The following RGSL1 variants were observed in gnomAD, a reference collection of about 807,000 sequenced individuals.
RGSL1 encodes the protein regulator of G protein signaling like 1.
RGSL1 carries 97 observed loss-of-function variants against 124.7 expected under a neutral mutation model. That is an observed-to-expected ratio of 0.78 (90% CI 0.66 to 0.92). RGSL1 has a LOEUF of 0.92. Ranked by LOEUF, RGSL1 falls within the 40% of genes least tolerant of loss-of-function variation. RGSL1 has a pLI of 0.00. For missense variants in RGSL1, 1,233 were observed against 1,288.4 expected, an observed-to-expected ratio of 0.96 and a Z score of 0.66; for synonymous variants, 424 against 438.1, an observed-to-expected ratio of 0.97 and a Z score of 0.40.
At chr1:182,455,734 A>G (rs1337458124) in intron 2 of RGSL1, among the ~76,000 whole-genome samples, 1 of 152,262 alleles carries the variant, frequency 6.6e-6, no homozygotes, top group Non-Finnish European at 1.5e-5. Context: ...TAAGTAACTC[A>G]GGAAGGCTGA....
rs1362935580 is a variant in RGSL1 at position 182,474,278 on chromosome 1, G to T, written c.1167G>T (p.Lys389Asn). 1 of 1,551,804 alleles carries T rather than the reference G, an allele frequency of 6.4e-7. No homozygotes were observed. The highest frequency in any genetic ancestry group is 2.0e-5 in the Admixed American group (1 of 51,008). The change falls in exon 6 of 22, where the codon AAG (lysine) becomes AAT (asparagine). Residue 389 changes from lysine (K) to asparagine (N), a missense_variant. Lys to Asn is a moderately conservative substitution (Grantham distance 94). Transcript: ENST00000294854. ...CAGNPFRDHL[K>N]KLNLKVEIQL... ...GGAACCCTTTCCGGGACCACCTGAAGAAGCTGAATTTGAAAGTGGAGATCC... is the reference window on the plus strand; with the variant it reads ...GGAACCCTTTCCGGGACCACCTGAATAAGCTGAATTTGAAAGTGGAGATCC...
chr1:182,530,160 T>TAAA, intron 11 of RGSL1, 84 bp from the exon 12 acceptor site: 32 of 778,640 alleles, frequency 4.1e-5, no homozygotes, highest in Non-Finnish European at 5.1e-5. Context: ...GACTCTAAGA[T>TAAA]AAAAAAAAAA....
chr1:182,546,407 T>C (rs1660213383), intron 15 of RGSL1, among the ~76,000 whole-genome samples: 1 of 152,308 alleles, frequency 6.6e-6, no homozygotes, highest in Middle Eastern at 3.4e-3. Flanking sequence ...ATTTTGTTTT[T>C]GTTTTCATGA....
intron 17 of RGSL1, chr1:182,549,676 G>C (rs200650312): frequency 6.6e-6 from 1 of 151,926 alleles, no homozygotes; most frequent in Non-Finnish European, 1.5e-5. Flanking sequence ...ACTCTTAGAA[G>C]TTCCCATCTT....
intron 4 of RGSL1, among the ~76,000 whole-genome samples, chr1:182,462,168 T>C (rs2102002248): frequency 6.6e-6 from 1 of 152,302 alleles, no homozygotes; most frequent in East Asian, 1.9e-4. Context: ...ATAAGCAGAT[T>C]TCTCATCAGA....
At position 182,483,152 on chromosome 1, in the gene RGSL1, G is replaced by A. The variant is rs539624493; in HGVS notation, c.1432-5133G>A. Among the ~76,000 whole-genome samples the A allele has an allele frequency of 4.6e-5, 7 of 152,192 alleles. No individual in the cohort carries two copies. In the East Asian group the frequency reaches 1.4e-3, roughly 29 times the overall value. On this transcript the variant is annotated intron_variant, in intron 6 of 21. Coordinates refer to ENST00000294854, the MANE Select transcript of RGSL1 (RefSeq NM_001137669.2). ...TCAAAGTGTACCATGTTTCAGTCAC[G>A]AGAGATAAATTTACTGTACAACATA...
At chr1:182,536,885 A>G (rs1205109926) in intron 14 of RGSL1, among the ~76,000 whole-genome samples, 1 of 152,208 alleles carries the variant, frequency 6.6e-6, no homozygotes, top group Non-Finnish European at 1.5e-5. Flanking sequence ...AACACATGGG[A>G]ATTCAAGATG....
At chr1:182,543,401 A>AT (rs1376866030) in intron 15 of RGSL1, among the ~76,000 whole-genome samples, 1 of 152,154 alleles carries the variant, frequency 6.6e-6, no homozygotes, top group Admixed American at 6.6e-5. Flanking sequence ...GATGAATCCC[A>AT]TTAGATCACG....
intron 9 of RGSL1, among the ~76,000 whole-genome samples, chr1:182,516,099 T>C (rs1657872356): frequency 6.6e-6 from 1 of 152,228 alleles, no homozygotes; most frequent in Admixed American, 6.5e-5. Flanking sequence ...AATGCCTTTG[T>C]TGCCCCAGGG....
At chr1:182,453,600 C>T (rs566181007) in intron 1 of RGSL1, 1 of 174,214 alleles carries the variant, frequency 5.7e-6, no homozygotes, top group Admixed American at 5.8e-5. Flanking sequence ...GAAGCACTGT[C>T]CCTTTTAAGG....
chr1:182,472,631 CCTT>C lies in RGSL1; in HGVS notation c.463+78_463+80del, dbSNP rs1307983292. On this transcript the variant is annotated intron_variant, in intron 5 of 21. Transcript: ENST00000294854. ...TCCAGTGTCTGATAATCCTCAGTCT[CCTT>C]CTTTGCAGGAAACCCCACCTTCTTT... 2.1e-6 allele frequency: 3 copies of C among 1,402,284 alleles called. No individual in the cohort carries two copies. In the East Asian group the frequency reaches 7.7e-5, roughly 36 times the overall value. 86.9% of individuals were successfully genotyped at this position (1,402,284 alleles called of 1,614,324 possible).
chr1:182,474,586 G>A, intron 6 of RGSL1, 44 bp downstream of exon 6: 1 of 1,486,190 alleles, frequency 6.7e-7, no homozygotes, highest in Non-Finnish European at 8.9e-7. Flanking sequence ...GGCAAATTAG[G>A]TCAAAACTGA....
chr1:182,537,186 C>T (rs75948664), intron 14 of RGSL1, among the ~76,000 whole-genome samples: 2,465 of 152,024 alleles, frequency 0.016, 59 homozygotes, highest in African/African-American at 0.053. Flanking sequence ...GATATGACAC[C>T]ACAAATAGAA....
In RGSL1 at chr1:182,530,780, C is replaced by A; in HGVS notation, c.2244-10C>A. On this transcript the variant is annotated splice_polypyrimidine_tract_variant and intron_variant, in intron 12 of 21. Transcript: ENST00000294854. ...TGCCCTGTTTGATATTACTGATGTC[C>A]TTCTGACAGGTTTAAAGATTATCAA... 6.5e-7 allele frequency: 1 copy of A among 1,527,200 alleles called. No homozygotes were observed. The highest frequency in any genetic ancestry group is 1.3e-5 in the South Asian group (1 of 79,738). 94.6% of individuals were successfully genotyped at this position (1,527,200 alleles called of 1,614,324 possible).
At chr1:182,462,133 C>T (rs1329714289) in intron 4 of RGSL1, among the ~76,000 whole-genome samples, 1 of 152,040 alleles carries the variant, frequency 6.6e-6, no homozygotes, top group Non-Finnish European at 1.5e-5. Flanking sequence ...TTATTCATCA[C>T]TTTACAAAGG....
intron 4 of RGSL1, chr1:182,471,327 A>T (rs1252251152): frequency 2.2e-6 from 1 of 457,522 alleles, no homozygotes; most frequent in Admixed American, 2.3e-5. Flanking sequence ...CTACTCCAGA[A>T]ATGCATTGGC....
chr1:182,556,138 A>C lies in RGSL1; in HGVS notation c.*81A>C. The C allele has an allele frequency of 1.5e-6, 2 of 1,358,542 alleles. No individual in the cohort carries two copies. The highest frequency in any genetic ancestry group is 2.0e-6 in the Non-Finnish European group (2 of 981,958). 84.2% of individuals were successfully genotyped at this position (1,358,542 alleles called of 1,614,324 possible). ...CAGAAACTTTTCTGGTCAAAAATGA[A>C]AGGTCCTGGTACCATCTTCCCCAGA... is the stretch of plus-strand genomic sequence containing the variant. On this transcript the variant is annotated 3_prime_UTR_variant, in exon 21 of 22. Coordinates refer to ENST00000294854, the MANE Select transcript of RGSL1 (RefSeq NM_001137669.2).
intron 21 of RGSL1, 25 bp downstream of exon 21, chr1:182,556,247 G>A: frequency 1.7e-6 from 1 of 583,538 alleles, no homozygotes; most frequent in East Asian, 2.9e-5. Context: ...GAGCATGAGA[G>A]GAAGCGCATC....
Position 182,540,362 on chromosome 1 carries a change from C to T in RGSL1, c.2610C>T (p.His870=), listed in dbSNP as rs1181370321. ...ITLVKRRIFG[H]RIITVNFAIN... is the part of the protein sequence containing the mutation. Reference sequence around the variant, plus strand: ...TTGTAAAGCGTCGTATATTTGGCCACAGGATTATCACTGTCAACTTTGCGA... The same window carrying T: ...TTGTAAAGCGTCGTATATTTGGCCATAGGATTATCACTGTCAACTTTGCGA... Residue 870 remains histidine (H), a synonymous_variant, in exon 15 of 22, where the codon CAC becomes CAT. Coordinates refer to ENST00000294854, the MANE Select transcript of RGSL1 (RefSeq NM_001137669.2). The T allele has an allele frequency of 1.3e-6, 2 of 1,551,248 alleles. No individual in the cohort carries two copies. The highest frequency in any genetic ancestry group is 1.4e-5 in the African/African-American group (1 of 73,002).
Sources: gnomAD v4.1 joint callset for allele counts (sites outside exome capture counted in the v4.1 genomes callset) on GRCh38, gnomAD v4.1.1 for gene constraint, MANE v1.5 for transcripts, NCBI Gene and HGNC (gene_info 2026-07-23, HGNC 2026-07-21) for gene names.